QRFPR: variants seen among roughly 807,000 people sequenced by gnomAD.
The protein encoded by QRFPR is pyroglutamylated RFamide peptide receptor.
A neutral mutation model predicts 31.3 loss-of-function variants in QRFPR; 37 were observed. That is an observed-to-expected ratio of 1.18 (90% confidence interval 0.91 to 1.56). QRFPR has a LOEUF of 1.56. Among genes scored for constraint, QRFPR ranks in the 40% most tolerant of loss-of-function variants. The pLI is 0.00. For synonymous variants in QRFPR, 197 were observed against 192.0 expected (o/e 1.03, Z -0.22); for missense variants, 542 against 532.5 (o/e 1.02, Z -0.18).
At chr4:121,359,782 T>C (rs1725950107) in intron 1 of QRFPR, among the ~76,000 whole-genome samples, 1 of 136,190 alleles carries the variant, frequency 7.3e-6, no homozygotes, top group Admixed American at 7.6e-5. Context: ...TATAGGAGTG[T>C]GTGTGTGTAT....
Position 121,329,297 on chromosome 4 carries a change from T to C in QRFPR, c.*17A>G. ...GTTACAATCTGAAGGGCATTAATTA[T>C]GAAGATATTGTTATAATTAATGCCC... is the stretch of plus-strand genomic sequence containing the variant. On this transcript the variant is annotated 3_prime_UTR_variant, in exon 6 of 6. Coordinates refer to ENST00000394427, the MANE Select transcript of QRFPR (RefSeq NM_198179.3). 1.9e-6 allele frequency: 3 copies of C among 1,565,516 alleles called. No individual in the cohort carries two copies. Among genetic ancestry groups the C allele is most frequent in the Non-Finnish European group, 2.6e-6 (3 of 1,153,320 alleles).
intron 2 of QRFPR, among the ~76,000 whole-genome samples, chr4:121,338,707 G>A (rs1172823825): frequency 1.3e-5 from 2 of 152,174 alleles, no homozygotes; most frequent in South Asian, 2.1e-4. Context: ...ATGACAGTGT[G>A]ACAAAGCTAC....
intron 1 of QRFPR, among the ~76,000 whole-genome samples, chr4:121,377,413 A>ATT (rs10551009): frequency 7.2e-6 from 1 of 138,546 alleles, no homozygotes; most frequent in Non-Finnish European, 1.5e-5. Context: ...ATATATATAT[A>ATT]TTTTTTTTTT....
At chr4:121,371,790 T>A (rs1237652114) in intron 1 of QRFPR, among the ~76,000 whole-genome samples, 1 of 152,232 alleles carries the variant, frequency 6.6e-6, no homozygotes, top group African/African-American at 2.4e-5. Context: ...GTCAAGCCTT[T>A]CCAAGGGGCT....
intron 1 of QRFPR, among the ~76,000 whole-genome samples, chr4:121,352,491 G>A (rs1579578950): frequency 6.6e-6 from 1 of 152,020 alleles, no homozygotes. Flanking sequence ...CAGACTTTAT[G>A]GCAAGAATGT....
At chr4:121,368,642 A>G (rs999627931) in intron 1 of QRFPR, among the ~76,000 whole-genome samples, 6 of 149,946 alleles carry the variant, frequency 4.0e-5, no homozygotes, top group Non-Finnish European at 7.4e-5. Context: ...CCAGGTCCCA[A>G]ACAAATCTTG....
At chr4:121,354,155 T>C (rs1333936832) in intron 1 of QRFPR, among the ~76,000 whole-genome samples, 1 of 152,134 alleles carries the variant, frequency 6.6e-6, no homozygotes, top group Non-Finnish European at 1.5e-5. Flanking sequence ...TTTTTCCACC[T>C]TTGTTCTTTT....
At chr4:121,369,956 C>T in intron 1 of QRFPR, 1 of 764,060 alleles carries the variant, frequency 1.3e-6, no homozygotes. Flanking sequence ...GGTGTGTAGC[C>T]AGGATCTCTC....
chr4:121,371,552 C>G (rs893665908), intron 1 of QRFPR, among the ~76,000 whole-genome samples: 1 of 152,100 alleles, frequency 6.6e-6, no homozygotes. Context: ...AGAGGGAGAT[C>G]CCAGCACTCC....
At chr4:121,367,248 C>A (rs926742375) in intron 1 of QRFPR, among the ~76,000 whole-genome samples, 1 of 149,894 alleles carries the variant, frequency 6.7e-6, no homozygotes, top group Non-Finnish European at 1.5e-5. Context: ...ATTGTGCCCA[C>A]AGTCTGGGTG....
Position 121,343,237 on chromosome 4 carries a change from A to G in QRFPR, c.341-2627T>C, listed in dbSNP as rs116528024. On this transcript the variant is annotated intron_variant, in intron 1 of 5. Coordinates refer to ENST00000394427, the MANE Select transcript of QRFPR (RefSeq NM_198179.3). ...TTTTCAAATGGCTGGCTTCCGTTGA[A>G]CTTGAAATCAACTTGAAATGAACTG... Among the ~76,000 whole-genome samples the G allele has an allele frequency of 6.7e-3, 1,015 of 152,280 alleles. 6 individuals are homozygous for G. The highest frequency in any genetic ancestry group is 0.011 in the Non-Finnish European group (779 of 68,024).
In QRFPR at chr4:121,380,800, G is replaced by A. The variant is rs1579597586; in HGVS notation, c.-153C>T. 1 of 654,306 alleles carries A rather than the reference G, an allele frequency of 1.5e-6. No individual in the cohort carries two copies. The highest frequency in any genetic ancestry group is 2.6e-6 in the Non-Finnish European group (1 of 392,034). The allele number at this position is 654,306 out of a possible 1,614,324, so 40.5% of individuals were successfully genotyped here. A position where few individuals can be genotyped will look rare whatever the true frequency, so the allele number is the denominator to read the frequency against. On this transcript the variant is annotated 5_prime_UTR_variant, in exon 1 of 6. Coordinates refer to ENST00000394427, the MANE Select transcript of QRFPR (RefSeq NM_198179.3). ...GCGGGAGGGCTCTAGGCTGCACCCC[G>A]GGAGGTTCGGGAAAGGAGAGCAGCT...
chr4:121,356,102 CA>C (rs1393993758), intron 1 of QRFPR, among the ~76,000 whole-genome samples: 1 of 152,102 alleles, frequency 6.6e-6, no homozygotes, highest in African/African-American at 2.4e-5. Context: ...CCAAGTCTGA[CA>C]TTTTTTTGGT....
chr4:121,373,643 T>G (rs747653685), intron 1 of QRFPR, among the ~76,000 whole-genome samples: 6 of 152,218 alleles, frequency 3.9e-5, no homozygotes, highest in Admixed American at 1.3e-4. Flanking sequence ...AAAAAAATTA[T>G]ATAACACATG....
chr4:121,360,539 T>C (rs1193687073), intron 1 of QRFPR, among the ~76,000 whole-genome samples: 1 of 152,142 alleles, frequency 6.6e-6, no homozygotes, highest in Non-Finnish European at 1.5e-5. Flanking sequence ...ACTCCCCTGA[T>C]AGTAGTGGTT....
At chr4:121,350,527 T>C (rs886592211) in intron 1 of QRFPR, among the ~76,000 whole-genome samples, 4 of 152,180 alleles carry the variant, frequency 2.6e-5, no homozygotes, top group African/African-American at 7.2e-5. Context: ...TTTGCAAGAG[T>C]AACAATCACA....
At chr4:121,343,831 T>G (rs938976430) in intron 1 of QRFPR, among the ~76,000 whole-genome samples, 3 of 152,242 alleles carry the variant, frequency 2.0e-5, no homozygotes, top group Non-Finnish European at 2.9e-5. Flanking sequence ...TATAGTGTTA[T>G]CCATCCTGAA....
chr4:121,366,224 C>G (rs181456942), intron 1 of QRFPR, among the ~76,000 whole-genome samples: 1 of 149,682 alleles, frequency 6.7e-6, no homozygotes, highest in Non-Finnish European at 1.5e-5. Flanking sequence ...AGCCTGGCAC[C>G]AGTATTTCCA....
Position 121,370,167 on chromosome 4 carries a change from G to A in QRFPR, c.340+10141C>T, listed in dbSNP as rs1726207385. 5.2e-6 allele frequency: 4 copies of A among 769,330 alleles called. No individual in the cohort carries two copies. In the Admixed American group the frequency reaches 6.9e-5, roughly 13 times the overall value. The allele number at this position is 769,330 out of a possible 1,614,324, so 47.7% of individuals were successfully genotyped here. A position where few individuals can be genotyped will look rare whatever the true frequency, so the allele number is the denominator to read the frequency against. On this transcript the variant is annotated intron_variant, in intron 1 of 5. Transcript: ENST00000394427. Reference sequence around the variant, plus strand: ...GGTGAGGTGCTGATACTTGTGCTCTGAAATCACTGGCTTCCAAGGGATGCT... The same window carrying A: ...GGTGAGGTGCTGATACTTGTGCTCTAAAATCACTGGCTTCCAAGGGATGCT...
Sources: allele counts gnomAD v4.1 joint callset (sites outside exome capture counted in the v4.1 genomes callset), GRCh38; gene constraint gnomAD v4.1.1; transcripts MANE v1.5; gene names NCBI Gene and HGNC (gene_info 2026-07-23, HGNC 2026-07-21).